Variants in ARHGEF18 observed in about 807,000 individuals in gnomAD.
ARHGEF18 encodes the protein rho guanine nucleotide exchange factor 18.
A neutral mutation model predicts 155.7 loss-of-function variants in ARHGEF18; 93 were observed. The ratio of observed to expected loss-of-function variants is 0.60; its 90% CI spans 0.50 to 0.71. ARHGEF18 has a LOEUF of 0.71. Ranked by LOEUF, ARHGEF18 falls within the 30% of genes least tolerant of loss-of-function variation. ARHGEF18 has a pLI of 0.00. For synonymous variants in ARHGEF18, 742 were observed against 753.1 expected (o/e 0.99, Z 0.24); for missense variants, 1,593 against 1,816.1 (o/e 0.88, Z 2.23).
At chr19:7,451,350 C>T in intron 16 of ARHGEF18, 84 bp downstream of exon 16, 2 of 1,141,578 alleles carry the variant, frequency 1.8e-6, no homozygotes, top group East Asian at 5.1e-5. Flanking sequence ...ATTTGAGCAG[C>T]AAACTGAATA....
At chr19:7,441,205 A>G (rs1412241879) in intron 11 of ARHGEF18, among the ~76,000 whole-genome samples, 2 of 112,728 alleles carry the variant, frequency 1.8e-5, no homozygotes, top group East Asian at 3.0e-4. Context: ...TTTTCTTTAG[A>G]CAGAGTCTCT....
chr19:7,456,766 CAAAA>C (rs1429712765), intron 18 of ARHGEF18, among the ~76,000 whole-genome samples: 3 of 152,124 alleles, frequency 2.0e-5, no homozygotes, highest in African/African-American at 2.4e-5. Context: ...AACAAACAAA[CAAAA>C]AACAGACGAA....
Position 7,372,980 on chromosome 19 carries a change from G to T in ARHGEF18, c.184G>T (p.Asp62Tyr). Reference protein sequence around the residue: ...SRPTGEEPGRDSLFSSLAGSQ... With the variant: ...SRPTGEEPGRYSLFSSLAGSQ... ...CCCCACCGGTGAAGAACCAGGAAGA[G>T]ATTCTCTTTTCTCCAGCTTGGCAGG... Residue 62 changes from aspartate to tyrosine, a missense_variant, in exon 3 of 29, where the codon GAT (aspartate) becomes TAT (tyrosine). By Grantham distance (160) the Asp-to-Tyr change is radical. Transcript: ENST00000668164. The T allele has an allele frequency of 8.1e-7, 1 of 1,234,560 alleles. No homozygotes were observed. Among genetic ancestry groups the T allele is most frequent in the African/African-American group, 1.5e-5 (1 of 64,644 alleles). 76.5% of individuals were successfully genotyped at this position (1,234,560 alleles called of 1,614,324 possible).
chr19:7,474,264 G>A (rs1046804274), downstream of ARHGEF18, among the ~76,000 whole-genome samples: 11 of 152,108 alleles, frequency 7.2e-5, no homozygotes, highest in African/African-American at 2.4e-4. Flanking sequence ...GGTTGAACCC[G>A]GAGGCGGAGG....
intron 8 of ARHGEF18, among the ~76,000 whole-genome samples, chr19:7,381,613 G>A (rs181525685): frequency 1.1e-3 from 170 of 152,116 alleles, no homozygotes; most frequent in East Asian, 1.5e-3. Context: ...AGGAGGCGGA[G>A]GTTGCAGTGA....
intron 10 of ARHGEF18, chr19:7,394,996 G>A (rs1971607308): frequency 3.0e-5 from 29 of 966,284 alleles, no homozygotes; most frequent in East Asian, 1.2e-4. Context: ...CCCTCACCAC[G>A]GCTCGGGGAG....
At position 7,388,448 on chromosome 19, in the gene ARHGEF18, G is replaced by C. The variant is rs75794326; in HGVS notation, c.967+5245G>C. Among the ~76,000 whole-genome samples, 1,434 of 152,134 alleles carry C rather than the reference G, an allele frequency of 9.4e-3. 28 individuals are homozygous for C. Among genetic ancestry groups the C allele is most frequent in the African/African-American group, 0.033 (1,380 of 41,546 alleles). ...CAGCTTTGTAACTCTGTAGACACTA[G>C]CACTTTCTCTCTTTCACAGATGAGG... On this transcript the variant is annotated intron_variant, in intron 10 of 28. Transcript: ENST00000668164.
At chr19:7,475,772 T>C (rs76327971), downstream of ARHGEF18, among the ~76,000 whole-genome samples, 45,405 of 151,994 alleles carry the variant, frequency 0.3, 7,114 homozygotes, top group African/African-American at 0.4. Context: ...AGGGCCCCAC[T>C]GGTATGAGCT....
intron 7 of ARHGEF18, among the ~76,000 whole-genome samples, chr19:7,380,306 G>A (rs113884244): frequency 0.034 from 5,201 of 151,666 alleles, 245 homozygotes; most frequent in African/African-American, 0.11. Flanking sequence ...GTGAAACCCC[G>A]TCTCTACTAA....
chr19:7,432,184 G>T (rs1232089355), intron 10 of ARHGEF18, among the ~76,000 whole-genome samples: 2 of 152,054 alleles, frequency 1.3e-5, no homozygotes, highest in Non-Finnish European at 2.9e-5. Flanking sequence ...TCTTCTCATC[G>T]ATTTAGTCTA....
intron 10 of ARHGEF18, among the ~76,000 whole-genome samples, chr19:7,393,636 G>T (rs1289072892): frequency 6.6e-6 from 1 of 151,904 alleles, no homozygotes; most frequent in Non-Finnish European, 1.5e-5. Context: ...CTCAAGACTG[G>T]GGTGTCTGAT....
intron 3 of ARHGEF18, among the ~76,000 whole-genome samples, chr19:7,375,424 A>AAAGG (rs1001191612): frequency 5.3e-5 from 8 of 150,790 alleles, no homozygotes; most frequent in African/African-American, 2.0e-4. Flanking sequence ...AGGAAGGAAG[A>AAAGG]AAGGAAGGAA....
chr19:7,359,456 A>C (rs1266936201), intron 1 of ARHGEF18, among the ~76,000 whole-genome samples: 1 of 146,294 alleles, frequency 6.8e-6, no homozygotes, highest in Non-Finnish European at 1.5e-5. Flanking sequence ...ATGATGCCAG[A>C]TCAAGATTCA....
downstream of ARHGEF18, among the ~76,000 whole-genome samples, chr19:7,475,567 G>A (rs990812983): frequency 1.3e-5 from 2 of 151,880 alleles, no homozygotes; most frequent in Non-Finnish European, 2.9e-5. Context: ...CACAACCACT[G>A]GACCAGCTGA....
chr19:7,353,734 C>T (rs11880856), intron 1 of ARHGEF18, among the ~76,000 whole-genome samples: 136,451 of 151,728 alleles, frequency 0.9, 61,685 homozygotes, highest in Non-Finnish European at 0.95. Context: ...GGGAGGATCA[C>T]CTGAGGTTAG....
Position 7,395,195 on chromosome 19 carries a change from G to A in ARHGEF18, c.967+11992G>A, listed in dbSNP as rs1971625870. 2.0e-6 allele frequency: 2 copies of A among 986,242 alleles called. No homozygotes were observed. Among genetic ancestry groups the A allele is most frequent in the Non-Finnish European group, 2.4e-6 (2 of 830,586 alleles). 61.1% of individuals were successfully genotyped at this position (986,242 alleles called of 1,614,324 possible). A position where few individuals can be genotyped will look rare whatever the true frequency, so the allele number is the denominator to read the frequency against. ...CCGGACGGAGGCATCGGAGGCGGCT[G>A]CGAGAGTGGCAGAGGAGCTGGCGGA... On this transcript the variant is annotated intron_variant, in intron 10 of 28. Coordinates refer to ENST00000668164, the MANE Select transcript of ARHGEF18 (RefSeq NM_001367823.1). The surrounding 1 kb of genome is among the most constrained non-coding windows in gnomAD (Gnocchi z 5.0).
chr19:7,457,524 G>A (rs771623108), intron 18 of ARHGEF18, among the ~76,000 whole-genome samples: 18 of 151,618 alleles, frequency 1.2e-4, no homozygotes, highest in African/African-American at 2.4e-4. Context: ...CGCCACACCC[G>A]GCTACTTTTT....
chr19:7,350,216 C>T (rs888665553), intron 1 of ARHGEF18, among the ~76,000 whole-genome samples: 1 of 152,170 alleles, frequency 6.6e-6, no homozygotes. Flanking sequence ...TGCTGCAGGG[C>T]AGGCTTCAGG....
At chr19:7,393,496 G>A (rs553291968) in intron 10 of ARHGEF18, among the ~76,000 whole-genome samples, 6 of 152,252 alleles carry the variant, frequency 3.9e-5, no homozygotes, top group South Asian at 2.1e-4. Flanking sequence ...GGCATGAGCC[G>A]TCTTGCCTGG....
Sources: gnomAD v4.1 joint callset for allele counts (sites outside exome capture counted in the v4.1 genomes callset) on GRCh38, gnomAD v4.1.1 for gene constraint, Gnocchi (gnomAD v3.1) non-coding constraint, MANE v1.5 for transcripts, NCBI Gene and HGNC (gene_info 2026-07-23, HGNC 2026-07-21) for gene names.